RESF1: variants seen among roughly 807,000 people sequenced by gnomAD.
RESF1 encodes the protein retroelement silencing factor 1, also known as gonad expressed transcript.
A neutral mutation model predicts 134.7 loss-of-function variants in RESF1; 65 were observed. That is an observed-to-expected ratio of 0.48 (90% CI 0.40 to 0.59). The LOEUF (loss-of-function observed/expected upper bound fraction) is 0.59. RESF1 is among the 20% of genes least tolerant of loss of function. The pLI, the probability that RESF1 is intolerant of heterozygous loss-of-function variation, is 0.00. For missense variants in RESF1, 2,274 were observed against 2,002.7 expected (o/e 1.14, Z -2.59); for synonymous variants, 762 against 702.2 (o/e 1.09, Z -1.35).
chr12:31,973,831 T>C (rs1939568950), intron 3 of RESF1, among the ~76,000 whole-genome samples: 1 of 152,192 alleles, frequency 6.6e-6, no homozygotes, highest in Admixed American at 6.5e-5. Flanking sequence ...TTTGGATTTC[T>C]TCCCATCCGC....
Position 31,984,146 on chromosome 12 carries a change from A to T in RESF1, c.3191A>T (p.Tyr1064Phe), listed in dbSNP as rs1172147786. The T allele has an allele frequency of 6.2e-7, 1 of 1,612,776 alleles. No homozygotes were observed. Among genetic ancestry groups the T allele is most frequent in the Non-Finnish European group, 8.5e-7 (1 of 1,179,596 alleles). The change falls in exon 4 of 6, where the codon TAT becomes TTT. Residue 1064 changes from tyrosine to phenylalanine, a missense_variant. Transcript: ENST00000312561. ...TCAGAACTTCTAAAAGAGTTTCCTT[A>T]TGGCATTGAGGCTGTGAATACACGT... ...QLSELLKEFPYGIEAVNTREG... is the reference protein window; with the variant it reads ...QLSELLKEFPFGIEAVNTREG...
At chr12:31,979,678 G>A (rs73298610) in intron 3 of RESF1, among the ~76,000 whole-genome samples, 1 of 151,814 alleles carries the variant, frequency 6.6e-6, no homozygotes, top group Non-Finnish European at 1.5e-5. Flanking sequence ...TGAGTAGGTG[G>A]CTGGGACTAC....
Position 31,985,458 on chromosome 12 carries a change from C to T in RESF1, c.4503C>T (p.Gly1501=), listed in dbSNP as rs565921635. 40 of 1,608,280 alleles carry T rather than the reference C, an allele frequency of 2.5e-5. 2 individuals carry two copies. The highest frequency in any genetic ancestry group is 1.9e-4 in the South Asian group (17 of 89,728). The change falls in exon 4 of 6, where the codon GGC becomes GGT. Residue 1501 remains glycine, a synonymous_variant. Coordinates refer to ENST00000312561, the MANE Select transcript of RESF1 (RefSeq NM_018169.4). ...CGKSNEKHSS[G]VQTSKESLNG... is the part of the protein sequence containing the mutation. ...AATCAAATGAGAAACACAGCAGCGG[C>T]GTGCAGACCTCTAAAGAATCATTAA...
At chr12:31,968,263 G>C (rs1040805921) in intron 2 of RESF1, among the ~76,000 whole-genome samples, 1 of 152,100 alleles carries the variant, frequency 6.6e-6, no homozygotes, top group Non-Finnish European at 1.5e-5. Context: ...ATACCAGAGC[G>C]AATTTATATA....
In RESF1 at chr12:31,983,710, A is replaced by G; in HGVS notation, c.2755A>G (p.Lys919Glu). Residue 919 changes from lysine (K) to glutamate (E), a missense_variant, in exon 4 of 6, where the codon AAA (lysine) becomes GAA (glutamate). Coordinates refer to ENST00000312561, the MANE Select transcript of RESF1 (RefSeq NM_018169.4). ...AAAGATATTCAGCTCTCTTCCCTTGAAAATGGTTGAGCCACAGAAACCTTC... is the reference window on the plus strand; with the variant it reads ...AAAGATATTCAGCTCTCTTCCCTTGGAAATGGTTGAGCCACAGAAACCTTC... Reference protein sequence around the residue: ...IAKIFSSLPLKMVEPQKPSLP... With the variant: ...IAKIFSSLPLEMVEPQKPSLP... The G allele has an allele frequency of 6.2e-7, 1 of 1,613,886 alleles. No individual in the cohort carries two copies. The highest frequency in any genetic ancestry group is 8.5e-7 in the Non-Finnish European group (1 of 1,180,014).
In RESF1 at chr12:31,961,177, T is replaced by C. The variant is rs1013488236; in HGVS notation, c.-247+306T>C. Among the ~76,000 whole-genome samples, 3 of 152,232 alleles carry C rather than the reference T, an allele frequency of 2.0e-5. No individual in the cohort carries two copies. In the East Asian group the frequency reaches 5.8e-4, roughly 29 times the overall value. On this transcript the variant is annotated intron_variant, in intron 2 of 5. Coordinates refer to ENST00000312561, the MANE Select transcript of RESF1 (RefSeq NM_018169.4). ...TGTCTGTGCTGTGTTTATTTGATTGTTTTTATTATATTTTATTACTGTTGG... is the reference window on the plus strand; with the variant it reads ...TGTCTGTGCTGTGTTTATTTGATTGCTTTTATTATATTTTATTACTGTTGG...
chr12:31,979,095 T>C (rs1339570593), intron 3 of RESF1, among the ~76,000 whole-genome samples: 1 of 151,714 alleles, frequency 6.6e-6, no homozygotes, highest in Non-Finnish European at 1.5e-5. Context: ...TAATTTTTTG[T>C]ATTTTTAGTA....
chr12:31,974,742 G>A (rs1939592218), intron 3 of RESF1, among the ~76,000 whole-genome samples: 1 of 152,036 alleles, frequency 6.6e-6, no homozygotes, highest in Non-Finnish European at 1.5e-5. Context: ...AAAAGCCAGG[G>A]GACAGTGAGG....
chr12:31,978,914 T>C (rs964619314), intron 3 of RESF1, among the ~76,000 whole-genome samples: 1 of 145,074 alleles, frequency 6.9e-6, no homozygotes, highest in African/African-American at 2.5e-5. Context: ...TTTGAAATGA[T>C]CTCATGATTT....
At chr12:31,991,788 TCTG>T (rs1397700726) in intron 5 of RESF1, among the ~76,000 whole-genome samples, 1 of 152,228 alleles carries the variant, frequency 6.6e-6, no homozygotes, top group Admixed American at 6.5e-5. Flanking sequence ...CTTCATGTGA[TCTG>T]CTTGCCTTGG....
chr12:31,989,172 G>A (rs376142865), intron 5 of RESF1, among the ~76,000 whole-genome samples: 31 of 145,470 alleles, frequency 2.1e-4, no homozygotes, highest in Middle Eastern at 8.5e-3. Context: ...CGAGGCAGGC[G>A]GATCATGAGG....
In RESF1 at chr12:31,992,418, A is replaced by G. The variant is rs1234415752; in HGVS notation, c.5127A>G (p.Ala1709=). The G allele has an allele frequency of 1.9e-6, 3 of 1,613,878 alleles. No individual in the cohort carries two copies. In the South Asian group the frequency reaches 3.3e-5, roughly 18 times the overall value. Residue 1709 remains alanine (A), a synonymous_variant, in exon 6 of 6, where the codon GCA becomes GCG. Coordinates refer to ENST00000312561, the MANE Select transcript of RESF1 (RefSeq NM_018169.4). ...GACTCTCGAAGAGAAGCTTCAGTGCAGATGGATTTGAGATGCTACAAAACC... is the reference window on the plus strand; with the variant it reads ...GACTCTCGAAGAGAAGCTTCAGTGCGGATGGATTTGAGATGCTACAAAACC... ...NSRLSKRSFS[A]DGFEMLQNPV...
At position 31,983,898 on chromosome 12, in the gene RESF1, A is replaced by G. The variant is rs987683224; in HGVS notation, c.2943A>G (p.Ser981=). The part of the protein sequence containing the change: ...DQSKSEPPLE[S]SFNNLETNRV... ...CAAAGTCAGAGCCACCCTTAGAGTC[A>G]TCTTTTAACAATCTTGAAACAAACA... is the stretch of plus-strand genomic sequence containing the variant. Residue 981 remains serine (S), a synonymous_variant, in exon 4 of 6, where the codon TCA becomes TCG. Transcript: ENST00000312561. The G allele has an allele frequency of 1.9e-6, 3 of 1,613,820 alleles. No homozygotes were observed. The highest frequency in any genetic ancestry group is 2.5e-6 in the Non-Finnish European group (3 of 1,180,022).
intron 2 of RESF1, among the ~76,000 whole-genome samples, chr12:31,967,423 A>C (rs765670343): frequency 7.9e-5 from 12 of 152,222 alleles, no homozygotes; most frequent in Non-Finnish European, 1.3e-4. Flanking sequence ...AGTAGTACAG[A>C]TGTACCTCAG....
chr12:31,959,632 A>C (rs1210160185), intron 1 of RESF1, 141 bp downstream of exon 1: 2 of 151,546 alleles, frequency 1.3e-5, no homozygotes, highest in African/African-American at 4.8e-5. Context: ...GCAAAGACGC[A>C]GTCGCGGGCG....
At chr12:31,965,905 A>AG (rs1939388621) in intron 2 of RESF1, among the ~76,000 whole-genome samples, 1 of 151,818 alleles carries the variant, frequency 6.6e-6, no homozygotes, top group Non-Finnish European at 1.5e-5. Context: ...AAAAAAAAAA[A>AG]AAGAAGTGAT....
At chr12:31,963,660 G>A (rs997117215) in intron 2 of RESF1, among the ~76,000 whole-genome samples, 3 of 120,590 alleles carry the variant, frequency 2.5e-5, no homozygotes, top group African/African-American at 2.7e-5. Context: ...CCATCACCAC[G>A]TCAATTTAAG....
intron 3 of RESF1, 56 bp from the exon 4 acceptor site, chr12:31,980,822 T>TA (rs1392405953): frequency 4.6e-6 from 3 of 656,644 alleles, no homozygotes; most frequent in Non-Finnish European, 7.5e-6. Flanking sequence ...CTAATTTTCT[T>TA]AGATATTCTA....
intron 2 of RESF1, among the ~76,000 whole-genome samples, chr12:31,965,376 A>G (rs373724796): frequency 2.0e-5 from 3 of 152,186 alleles, no homozygotes; most frequent in Non-Finnish European, 4.4e-5. Flanking sequence ...GCTGGCCACT[A>G]CTTCATTTAC....
Sources: gnomAD v4.1 joint callset for allele counts (sites outside exome capture counted in the v4.1 genomes callset) on GRCh38, gnomAD v4.1.1 for gene constraint, MANE v1.5 for transcripts, NCBI Gene and HGNC (gene_info 2026-07-23, HGNC 2026-07-21) for gene names.